The following KLHL32 variants were observed in gnomAD, a reference collection of about 807,000 sequenced individuals.
KLHL32 encodes the protein kelch like family member 32.
KLHL32 carries 35 observed loss-of-function variants against 64.8 expected under a neutral mutation model. The observed-to-expected ratio is 0.54, with a 90% confidence interval of 0.41 to 0.72. KLHL32 has a LOEUF of 0.72. Among genes scored for constraint, KLHL32 ranks in the 30% least tolerant of loss-of-function variants. The probability of loss-of-function intolerance (pLI) is 0.00; values close to 1 mark genes in which losing one functional copy is unlikely to be tolerated. For synonymous variants in KLHL32, 259 were observed against 281.0 expected (o/e 0.92, Z 0.78); for missense variants, 589 against 768.5 (o/e 0.77, Z 2.76).
At chr6:96,977,200 G>A (rs1448901311) in intron 3 of KLHL32, among the ~76,000 whole-genome samples, 1 of 152,140 alleles carries the variant, frequency 6.6e-6, no homozygotes, top group Non-Finnish European at 1.5e-5. Flanking sequence ...ACAACCCATT[G>A]TGCACATATA....
chr6:97,085,481 G>A, intron 6 of KLHL32, 140 bp downstream of exon 6: 1 of 706,390 alleles, frequency 1.4e-6, no homozygotes, highest in Non-Finnish European at 2.4e-6. Flanking sequence ...TTCCTTGATG[G>A]ACAAGTGATT....
intron 1 of KLHL32, among the ~76,000 whole-genome samples, chr6:96,941,961 A>G (rs527317968): frequency 1.2e-4 from 19 of 152,350 alleles, no homozygotes; most frequent in Non-Finnish European, 2.4e-4. Flanking sequence ...AAATGCATGT[A>G]TGAATATGGT....
intron 1 of KLHL32, among the ~76,000 whole-genome samples, chr6:96,927,107 T>A (rs1201498678): frequency 6.6e-6 from 1 of 152,230 alleles, no homozygotes; most frequent in Admixed American, 6.5e-5. Flanking sequence ...CTGTCTTATA[T>A]CTCAGAAAAT....
intron 1 of KLHL32, among the ~76,000 whole-genome samples, chr6:96,932,696 A>G (rs1312174239): frequency 4.0e-5 from 6 of 151,012 alleles, no homozygotes; most frequent in Non-Finnish European, 8.8e-5. Flanking sequence ...TCTCCCATGT[A>G]GTTGGAACTA....
intron 6 of KLHL32, among the ~76,000 whole-genome samples, chr6:97,101,957 C>T (rs1795781256): frequency 6.6e-6 from 1 of 152,166 alleles, no homozygotes; most frequent in Non-Finnish European, 1.5e-5. Flanking sequence ...CTCTTGGAGG[C>T]ATATTGCCAT....
At chr6:96,927,819 A>T (rs998240102) in intron 1 of KLHL32, among the ~76,000 whole-genome samples, 12 of 152,178 alleles carry the variant, frequency 7.9e-5, no homozygotes, top group Non-Finnish European at 7.3e-5. Flanking sequence ...GTGCATGGAG[A>T]TACCGTCTCT....
intron 1 of KLHL32, among the ~76,000 whole-genome samples, chr6:96,958,372 G>C (rs1297960869): frequency 6.6e-6 from 1 of 152,114 alleles, no homozygotes; most frequent in Admixed American, 6.6e-5. Flanking sequence ...TCCCAGAGGA[G>C]GTGACATCTG....
chr6:97,083,389 C>CA (rs5878462), intron 5 of KLHL32, among the ~76,000 whole-genome samples: 290 of 140,882 alleles, frequency 2.1e-3, no homozygotes, highest in African/African-American at 6.2e-3. Context: ...GACTCCGTCT[C>CA]AAAAAAAAAA....
At chr6:97,137,381 G>C (rs1178337278) in intron 10 of KLHL32, among the ~76,000 whole-genome samples, 1 of 152,106 alleles carries the variant, frequency 6.6e-6, no homozygotes, top group Admixed American at 6.5e-5. Context: ...TAGTGACAGG[G>C]TATATTGTTC....
At chr6:97,109,315 A>C (rs1406134321) in intron 6 of KLHL32, among the ~76,000 whole-genome samples, 1 of 152,256 alleles carries the variant, frequency 6.6e-6, no homozygotes, top group Admixed American at 6.5e-5. Flanking sequence ...TAAAAGTTGA[A>C]AGTTATATGA....
intron 5 of KLHL32, among the ~76,000 whole-genome samples, chr6:97,083,053 A>C (rs2128176417): frequency 6.6e-6 from 1 of 152,176 alleles, no homozygotes; most frequent in Non-Finnish European, 1.5e-5. Context: ...CTTTTCATAC[A>C]TTATCTTTAT....
chr6:96,940,965 T>A (rs903559760), intron 1 of KLHL32, among the ~76,000 whole-genome samples: 2 of 152,242 alleles, frequency 1.3e-5, no homozygotes, highest in East Asian at 3.9e-4. Context: ...GCGTAATAGA[T>A]GATGTGAAAT....
intron 1 of KLHL32, among the ~76,000 whole-genome samples, chr6:96,931,496 GC>G (rs1422213822): frequency 1.3e-5 from 2 of 152,172 alleles, no homozygotes; most frequent in Non-Finnish European, 2.9e-5. Flanking sequence ...GGATTATAAA[GC>G]CTGTCCTTAA....
intron 6 of KLHL32, among the ~76,000 whole-genome samples, chr6:97,107,082 G>A (rs930872674): frequency 3.9e-5 from 6 of 152,184 alleles, no homozygotes; most frequent in Non-Finnish European, 8.8e-5. Context: ...CACGAGGTCA[G>A]GAGATCGAGA....
At chr6:96,947,449 C>T (rs1215434787) in intron 1 of KLHL32, among the ~76,000 whole-genome samples, 1 of 152,168 alleles carries the variant, frequency 6.6e-6, no homozygotes, top group Non-Finnish European at 1.5e-5. Flanking sequence ...CAATTTATTT[C>T]TTTATACTAA....
rs138123575 is a variant in KLHL32 at position 97,074,706 on chromosome 6, G to A, written c.411+9980G>A. Reference sequence around the variant, plus strand: ...GGCTAATTTTCAGCAATCTGACTTTGTGTACTAGAGCAAGTAGGGAAATAG... The same window carrying A: ...GGCTAATTTTCAGCAATCTGACTTTATGTACTAGAGCAAGTAGGGAAATAG... On this transcript the variant is annotated intron_variant, in intron 5 of 10. Transcript: ENST00000369261. 4.1e-3 allele frequency among the ~76,000 whole-genome samples: 618 copies of A among 151,682 alleles called. 1 individual carries two copies. Among genetic ancestry groups the A allele is most frequent in the African/African-American group, 0.014 (579 of 41,422 alleles).
At chr6:96,919,036 C>CTCT in the KLHL32 span, among the ~76,000 whole-genome samples, 2 of 152,150 alleles carry the variant, frequency 1.3e-5, no homozygotes, top group African/African-American at 2.4e-5. Context: ...CTCCCCACCT[C>CTCT]TCTTCTCCCT....
chr6:97,126,801 C>G (rs1350690812), intron 7 of KLHL32, among the ~76,000 whole-genome samples: 1 of 151,918 alleles, frequency 6.6e-6, no homozygotes, highest in Non-Finnish European at 1.5e-5. Flanking sequence ...TGTGGCTATA[C>G]TGGGGTATAT....
At chr6:97,031,020 C>G (rs759601637) in intron 3 of KLHL32, among the ~76,000 whole-genome samples, 4 of 152,202 alleles carry the variant, frequency 2.6e-5, no homozygotes, top group Non-Finnish European at 5.9e-5. Flanking sequence ...TCTACCTTTT[C>G]AAGATGTTAT....
Sources: gnomAD v4.1 joint callset for allele counts (sites outside exome capture counted in the v4.1 genomes callset) on GRCh38, gnomAD v4.1.1 for gene constraint, MANE v1.5 for transcripts, NCBI Gene and HGNC (gene_info 2026-07-23, HGNC 2026-07-21) for gene names.